Variants in SEC61A2 observed in about 807,000 individuals in gnomAD.
SEC61A2 encodes the protein protein transport protein Sec61 subunit alpha isoform 2.
SEC61A2 carries 28 observed loss-of-function variants against 59.9 expected under a neutral mutation model. The observed-to-expected ratio is 0.47, with a 90% CI of 0.35 to 0.64. SEC61A2 has a LOEUF of 0.64. Among genes scored for constraint, SEC61A2 ranks in the 30% least tolerant of loss-of-function variants. SEC61A2 has a pLI of 0.01. For missense variants in SEC61A2, 340 were observed against 585.9 expected, an observed-to-expected ratio of 0.58 and a Z score of 4.33; for synonymous variants, 202 against 214.4, an observed-to-expected ratio of 0.94 and a Z score of 0.50.
chr10:12,165,409 G>A (rs540785749), downstream of SEC61A2: 10 of 941,558 alleles, frequency 1.1e-5, no homozygotes, highest in Middle Eastern at 5.5e-4. Context: ...GATATTAAAC[G>A]TTTTCTAAGA....
intron 3 of SEC61A2, among the ~76,000 whole-genome samples, chr10:12,139,521 A>G (rs1048835681): frequency 3.9e-5 from 6 of 151,924 alleles, no homozygotes; most frequent in Non-Finnish European, 7.4e-5. Flanking sequence ...GCGGTAGCTC[A>G]CACCTATAAT....
Position 12,145,422 on chromosome 10 carries a change from T to G in SEC61A2, c.220+2227T>G, listed in dbSNP as rs1834116367. Reference sequence around the variant, plus strand: ...ATCTTCCAAAACAGTTGTTTGATTTTACACTCTCAGCGACAGTATATGAGA... The same window carrying G: ...ATCTTCCAAAACAGTTGTTTGATTTGACACTCTCAGCGACAGTATATGAGA... On this transcript the variant is annotated intron_variant, in intron 4 of 11. Transcript: ENST00000298428. The surrounding 1 kb of genome is among the most constrained non-coding windows in gnomAD (Gnocchi z 4.4). 6.6e-6 allele frequency among the ~76,000 whole-genome samples: 1 copy of G among 152,240 alleles called. No individual in the cohort carries two copies. The highest frequency in any genetic ancestry group is 2.4e-5 in the African/African-American group (1 of 41,466).
In SEC61A2 at chr10:12,156,351, G is replaced by A. The variant is rs912663862; in HGVS notation, c.616+420G>A. Reference sequence around the variant, plus strand: ...CTCTGCTGCTCTTCTAATTGGCTTTGTAATAGCACCAAAGTTTTGAAATAT... The same window carrying A: ...CTCTGCTGCTCTTCTAATTGGCTTTATAATAGCACCAAAGTTTTGAAATAT... On this transcript the variant is annotated intron_variant, in intron 7 of 11. Coordinates refer to ENST00000298428, the MANE Select transcript of SEC61A2 (RefSeq NM_018144.4). The surrounding 1 kb of genome is among the most constrained non-coding windows in gnomAD (Gnocchi z 5.2). 2.0e-5 allele frequency among the ~76,000 whole-genome samples: 3 copies of A among 152,160 alleles called. No homozygotes were observed. The highest frequency in any genetic ancestry group is 7.2e-5 in the African/African-American group (3 of 41,422).
At position 12,162,203 on chromosome 10, in the gene SEC61A2, C is replaced by A. The variant is rs377480722; in HGVS notation, c.1168-10C>A. ...CAGTTGGATTTTGAAAGTCGTTTTT[C>A]TCTCGGCAGGTAGCTAAACAGCTGA... On this transcript the variant is annotated splice_polypyrimidine_tract_variant and intron_variant, in intron 10 of 11. Transcript: ENST00000298428. The surrounding 1 kb of genome is among the most constrained non-coding windows in gnomAD (Gnocchi z 6.1). 4 of 1,611,222 alleles carry A rather than the reference C, an allele frequency of 2.5e-6. No homozygotes were observed. In the African/African-American group the frequency reaches 5.4e-5, roughly 22 times the overall value.
chr10:12,140,490 A>G (rs527920921), intron 3 of SEC61A2, among the ~76,000 whole-genome samples: 17 of 152,368 alleles, frequency 1.1e-4, no homozygotes, highest in African/African-American at 3.8e-4. Context: ...TACTGGTTGC[A>G]GGAAAGGAGG....
chr10:12,143,855 G>A lies in SEC61A2; in HGVS notation c.220+660G>A, dbSNP rs923866938. Among the ~76,000 whole-genome samples, 18 of 152,212 alleles carry A rather than the reference G, an allele frequency of 1.2e-4. No individual in the cohort carries two copies. Among genetic ancestry groups the A allele is most frequent in the Non-Finnish European group, 1.9e-4 (13 of 68,034 alleles). On this transcript the variant is annotated intron_variant, in intron 4 of 11. Coordinates refer to ENST00000298428, the MANE Select transcript of SEC61A2 (RefSeq NM_018144.4). The surrounding 1 kb of genome is among the most constrained non-coding windows in gnomAD (Gnocchi z 4.8). ...CTGAGGATGCTGGACAGTGAGAGTA[G>A]CAAGGGGTACAACCAGTCGTGAGGT...
intron 4 of SEC61A2, among the ~76,000 whole-genome samples, chr10:12,147,968 G>A (rs1370969254): frequency 2.1e-5 from 3 of 145,864 alleles, no homozygotes; most frequent in Non-Finnish European, 4.5e-5. Context: ...ACAGAGTCTC[G>A]CTCTGTCACC....
In SEC61A2 at chr10:12,143,517, C is replaced by G. The variant is rs1049403423; in HGVS notation, c.220+322C>G. Among the ~76,000 whole-genome samples the G allele has an allele frequency of 6.6e-6, 1 of 152,056 alleles. No homozygotes were observed. The highest frequency in any genetic ancestry group is 2.4e-5 in the African/African-American group (1 of 41,400). Reference sequence around the variant, plus strand: ...TGGGAGGCCAAGGTGGGCAGATCACCTGAGGTCAGGAGTTTGAGACCAGCC... The same window carrying G: ...TGGGAGGCCAAGGTGGGCAGATCACGTGAGGTCAGGAGTTTGAGACCAGCC... On this transcript the variant is annotated intron_variant, in intron 4 of 11. Coordinates refer to ENST00000298428, the MANE Select transcript of SEC61A2 (RefSeq NM_018144.4). The surrounding 1 kb of genome is among the most constrained non-coding windows in gnomAD (Gnocchi z 4.8).
Position 12,164,581 on chromosome 10 carries a change from G to T in SEC61A2, c.*127G>T. 6.8e-7 allele frequency: 1 copy of T among 1,466,888 alleles called. No individual in the cohort carries two copies. Among genetic ancestry groups the T allele is most frequent in the Non-Finnish European group, 9.0e-7 (1 of 1,115,266 alleles). The allele number at this position is 1,466,888 out of a possible 1,614,324, so 90.9% of individuals were successfully genotyped here. ...TCTTGTTTCGAGTGCTGACTGACCC[G>T]TTTCTGAAATGGGCACCGAGCTAAG... On this transcript the variant is annotated 3_prime_UTR_variant, in exon 12 of 12. Coordinates refer to ENST00000298428, the MANE Select transcript of SEC61A2 (RefSeq NM_018144.4). The surrounding 1 kb of genome is among the most constrained non-coding windows in gnomAD (Gnocchi z 7.3).
chr10:12,157,255 G>GT (rs1472244188), intron 8 of SEC61A2, among the ~76,000 whole-genome samples, 188 bp downstream of exon 8: 4 of 151,962 alleles, frequency 2.6e-5, no homozygotes, highest in Non-Finnish European at 5.9e-5. Context: ...TACTTTTTTT[G>GT]TTTTTTGTTT....
At position 12,161,302 on chromosome 10, in the gene SEC61A2, G is replaced by A. The variant is rs925735715; in HGVS notation, c.1167+181G>A. Among the ~76,000 whole-genome samples, 5 of 152,012 alleles carry A rather than the reference G, an allele frequency of 3.3e-5. No homozygotes were observed. The highest frequency in any genetic ancestry group is 1.3e-4 in the Admixed American group (2 of 15,250). Reference sequence around the variant, plus strand: ...AAAAAAATACAAATAAAAATCGGCCGGGCACGGTGGTGCAAGCCCGTGGTC... The same window carrying A: ...AAAAAAATACAAATAAAAATCGGCCAGGCACGGTGGTGCAAGCCCGTGGTC... On this transcript the variant is annotated intron_variant, in intron 10 of 11. Transcript: ENST00000298428. The surrounding 1 kb of genome is among the most constrained non-coding windows in gnomAD (Gnocchi z 5.4).
intron 3 of SEC61A2, among the ~76,000 whole-genome samples, chr10:12,140,628 C>T (rs1469468906): frequency 2.0e-5 from 3 of 152,306 alleles, no homozygotes; most frequent in Non-Finnish European, 4.4e-5. Flanking sequence ...TGGAGTCTCA[C>T]TCTGTCACCC....
rs1834343683 is a variant in SEC61A2 at position 12,154,100 on chromosome 10, A to G, written c.463-1678A>G. ...TGCCATGTTTATACCGGCTCATCAT[A>G]CATGTCGTCCATTCCCCGTGAACAT... On this transcript the variant is annotated intron_variant, in intron 6 of 11. Coordinates refer to ENST00000298428, the MANE Select transcript of SEC61A2 (RefSeq NM_018144.4). The surrounding 1 kb of genome is among the most constrained non-coding windows in gnomAD (Gnocchi z 5.2). 6.6e-6 allele frequency among the ~76,000 whole-genome samples: 1 copy of G among 152,218 alleles called. No homozygotes were observed. The highest frequency in any genetic ancestry group is 6.5e-5 in the Admixed American group (1 of 15,282).
chr10:12,140,954 C>T (rs914338316), intron 3 of SEC61A2, among the ~76,000 whole-genome samples: 1 of 151,934 alleles, frequency 6.6e-6, no homozygotes, highest in Non-Finnish European at 1.5e-5. Context: ...GGCTGGAGTT[C>T]AGTGGCACGA....
intron 3 of SEC61A2, among the ~76,000 whole-genome samples, chr10:12,141,629 G>A (rs1834022848): frequency 6.6e-6 from 1 of 152,138 alleles, no homozygotes; most frequent in Non-Finnish European, 1.5e-5. Context: ...TGCTGTTTAG[G>A]ATTTAAAAAG....
chr10:12,154,685 T>C lies in SEC61A2; in HGVS notation c.463-1093T>C, dbSNP rs900629297. On this transcript the variant is annotated intron_variant, in intron 6 of 11. Coordinates refer to ENST00000298428, the MANE Select transcript of SEC61A2 (RefSeq NM_018144.4). This position sits in a 1 kb window ranked among gnomAD's most constrained non-coding sequence, Gnocchi z 5.2. ...GAAACTCAGACTAAAAGCCTGTAAA[T>C]AGACAAGTTAGGCTCTGTCCAACTA... Among the ~76,000 whole-genome samples the C allele has an allele frequency of 6.6e-6, 1 of 152,192 alleles. No homozygotes were observed. The highest frequency in any genetic ancestry group is 2.4e-5 in the African/African-American group (1 of 41,444).
In SEC61A2 at chr10:12,158,312, C is replaced by G; in HGVS notation, c.975+207C>G. 1 of 525,738 alleles carries G rather than the reference C, an allele frequency of 1.9e-6. No individual in the cohort carries two copies. Among genetic ancestry groups the G allele is most frequent in the Non-Finnish European group, 3.3e-6 (1 of 299,590 alleles). The allele number at this position is 525,738 out of a possible 1,614,324, so 32.6% of individuals were successfully genotyped here. A position where few individuals can be genotyped will look rare whatever the true frequency, so the allele number is the denominator to read the frequency against. ...CAAGCGCTTTTTATTATTTTGCTCTCTAGGAAGCACTTTCACATCTCATTT... is the reference window on the plus strand; with the variant it reads ...CAAGCGCTTTTTATTATTTTGCTCTGTAGGAAGCACTTTCACATCTCATTT... On this transcript the variant is annotated intron_variant, in intron 9 of 11. Coordinates refer to ENST00000298428, the MANE Select transcript of SEC61A2 (RefSeq NM_018144.4). This position sits in a 1 kb window ranked among gnomAD's most constrained non-coding sequence, Gnocchi z 5.7.
In SEC61A2 at chr10:12,162,257, C is replaced by T. The variant is rs1834548980; in HGVS notation, c.1212C>T (p.His404=). The T allele has an allele frequency of 3.1e-6, 5 of 1,613,912 alleles. No individual in the cohort carries two copies. Among genetic ancestry groups the T allele is most frequent in the Non-Finnish European group, 4.2e-6 (5 of 1,179,872 alleles). ...AACAGCAGATGGTAATGAGGGGCCACCGAGATACCTCTATGGTTCATGAGC... is the reference window on the plus strand; with the variant it reads ...AACAGCAGATGGTAATGAGGGGCCATCGAGATACCTCTATGGTTCATGAGC... ...LKEQQMVMRG[H]RDTSMVHELN... is the part of the protein sequence containing the mutation. Residue 404 remains histidine (H), a synonymous_variant, in exon 11 of 12, where the codon CAC becomes CAT. Coordinates refer to ENST00000298428, the MANE Select transcript of SEC61A2 (RefSeq NM_018144.4). The surrounding 1 kb of genome is among the most constrained non-coding windows in gnomAD (Gnocchi z 6.1).
At chr10:12,147,558 G>A (rs1051928621) in intron 4 of SEC61A2, among the ~76,000 whole-genome samples, 3 of 151,886 alleles carry the variant, frequency 2.0e-5, no homozygotes, top group East Asian at 1.9e-4. Flanking sequence ...GGTGGCTTAC[G>A]CCAGTAATCT....
Sources: allele counts gnomAD v4.1 joint callset (sites outside exome capture counted in the v4.1 genomes callset), GRCh38; gene constraint gnomAD v4.1.1; non-coding constraint Gnocchi (gnomAD v3.1); transcripts MANE v1.5; gene names NCBI Gene and HGNC (gene_info 2026-07-23, HGNC 2026-07-21).